Variants in TRMT11 observed in about 807,000 individuals in gnomAD.
TRMT11 encodes the protein tRNA (guanine(10)-N(2))-methyltransferase TRMT11.
In TRMT11, 53 loss-of-function variants were observed where a neutral mutation model predicts 62.8. The ratio of observed to expected loss-of-function variants is 0.84; its 90% confidence interval spans 0.68 to 1.06. The LOEUF (loss-of-function observed/expected upper bound fraction) is 1.06, where lower values mean the gene tolerates loss of function less well. Ranked by LOEUF, TRMT11 falls within the 50% of genes least tolerant of loss-of-function variation. TRMT11 has a pLI of 0.00. For missense variants in TRMT11, 556 were observed against 553.4 expected, an observed-to-expected ratio of 1.00 and a Z score of -0.05; for synonymous variants, 188 against 190.3, an observed-to-expected ratio of 0.99 and a Z score of 0.10.
the TRMT11 span, among the ~76,000 whole-genome samples, chr6:126,232,901 C>A: frequency 6.6e-6 from 1 of 152,076 alleles, no homozygotes; most frequent in East Asian, 1.9e-4. Context: ...AGTCATGTGG[C>A]GCTGGCTAAA....
intron 1 of TRMT11, among the ~76,000 whole-genome samples, chr6:126,184,740 A>G (rs1228676343): frequency 6.6e-6 from 1 of 152,118 alleles, no homozygotes; most frequent in Non-Finnish European, 1.5e-5. Flanking sequence ...TTGTAGGAGG[A>G]TTCTGTGGGT....
chr6:126,209,445 G>A, the TRMT11 span, among the ~76,000 whole-genome samples: 5 of 152,050 alleles, frequency 3.3e-5, no homozygotes, highest in African/African-American at 7.2e-5. Context: ...TGTAGGCCGG[G>A]CGCGGTGGCT....
At chr6:126,231,160 T>C in the TRMT11 span, among the ~76,000 whole-genome samples, 2 of 152,214 alleles carry the variant, frequency 1.3e-5, no homozygotes, top group Non-Finnish European at 2.9e-5. Context: ...TTGCAAGATT[T>C]TTAAAAATCT....
At chr6:126,262,398 CACCA>C in the TRMT11 span, among the ~76,000 whole-genome samples, 1 of 152,164 alleles carries the variant, frequency 6.6e-6, no homozygotes, top group South Asian at 2.1e-4. Context: ...TGGACTTGAG[CACCA>C]GAGTCTTGGT....
At chr6:126,060,927 G>A (rs1406582853) in intron 17 of TRMT11, among the ~76,000 whole-genome samples, 1 of 152,232 alleles carries the variant, frequency 6.6e-6, no homozygotes, top group Middle Eastern at 3.2e-3. Flanking sequence ...TCACTGGCAT[G>A]AGTGAAATAC....
chr6:126,042,647 T>C (rs1040047359), downstream of TRMT11, among the ~76,000 whole-genome samples: 105 of 152,330 alleles, frequency 6.9e-4, no homozygotes, highest in African/African-American at 2.4e-3. Context: ...TCTATGACTT[T>C]AAAAATCTCT....
intron 11 of TRMT11, among the ~76,000 whole-genome samples, chr6:126,017,930 G>C (rs1380119310): frequency 6.6e-6 from 1 of 152,206 alleles, no homozygotes; most frequent in Non-Finnish European, 1.5e-5. Flanking sequence ...TACTGAGTGA[G>C]TGTAGCTGTT....
At chr6:126,161,124 A>G (rs554013649) in intron 21 of TRMT11, among the ~76,000 whole-genome samples, 8 of 152,178 alleles carry the variant, frequency 5.3e-5, no homozygotes, top group African/African-American at 1.9e-4. Flanking sequence ...ATACATGTGC[A>G]GAATGTGCAG....
chr6:126,122,743 C>G (rs1163910183), intron 21 of TRMT11, among the ~76,000 whole-genome samples: 1 of 152,046 alleles, frequency 6.6e-6, no homozygotes, highest in African/African-American at 2.4e-5. Flanking sequence ...GACAATTTCC[C>G]CTATATCTTT....
rs544717890 is a variant in TRMT11, at chr6:126,154,335, G to T, written c.*1824-20490G>T. On this transcript the variant is annotated intron_variant and NMD_transcript_variant, in intron 21 of 22. Coordinates refer to the TRMT11 transcript ENST00000648977. ...ATCAGTAATAAAGATATGTGTGTGTGTGTATGTGTGTGTGTGTGTGTGTGT... is the reference window on the plus strand; with the variant it reads ...ATCAGTAATAAAGATATGTGTGTGTTTGTATGTGTGTGTGTGTGTGTGTGT... 2.0e-3 allele frequency among the ~76,000 whole-genome samples: 298 copies of T among 146,950 alleles called. 3 individuals are homozygous for T. Among genetic ancestry groups the T allele is most frequent in the African/African-American group, 7.4e-3 (274 of 36,980 alleles).
chr6:126,121,531 C>T (rs1319188462), intron 21 of TRMT11, among the ~76,000 whole-genome samples: 1 of 152,058 alleles, frequency 6.6e-6, no homozygotes, highest in Admixed American at 6.6e-5. Flanking sequence ...CTAATCTTGA[C>T]AATTATTGGC....
the TRMT11 span, among the ~76,000 whole-genome samples, chr6:126,228,621 C>A: frequency 1.1e-3 from 168 of 152,248 alleles, no homozygotes; most frequent in Middle Eastern, 3.4e-3. Context: ...TGTGGAACCC[C>A]CTCCACAGGC....
the TRMT11 span, among the ~76,000 whole-genome samples, chr6:126,247,921 A>T: frequency 6.6e-6 from 1 of 152,102 alleles, no homozygotes; most frequent in Non-Finnish European, 1.5e-5. Context: ...AAGAGCATAC[A>T]ATTGAAGTAG....
chr6:126,205,799 C>T (rs1160808742), downstream of TRMT11, among the ~76,000 whole-genome samples: 1 of 151,442 alleles, frequency 6.6e-6, no homozygotes, highest in South Asian at 2.1e-4. Flanking sequence ...TTATAGAGAA[C>T]ATCTAGCAGC....
the TRMT11 span, among the ~76,000 whole-genome samples, chr6:126,264,803 T>C: frequency 6.6e-6 from 1 of 152,156 alleles, no homozygotes; most frequent in African/African-American, 2.4e-5. Flanking sequence ...AACTCTTTCC[T>C]GTATCTCTAG....
At chr6:126,094,840 A>G (rs1269946482) in intron 17 of TRMT11, among the ~76,000 whole-genome samples, 3 of 152,328 alleles carry the variant, frequency 2.0e-5, no homozygotes, top group East Asian at 3.9e-4. Flanking sequence ...GAACTCTCAT[A>G]TGTGTTAACT....
intron 21 of TRMT11, among the ~76,000 whole-genome samples, chr6:126,164,100 TGTGGGCATTTA>T (rs2128230577): frequency 6.6e-6 from 1 of 152,362 alleles, no homozygotes; most frequent in Admixed American, 6.5e-5. Flanking sequence ...CACTTTCTCC[TGTGGGCATTTA>T]GTGCTATAAA....
At chr6:126,038,446 A>AAAAAAAAG (rs1554229968) in intron 12 of TRMT11, among the ~76,000 whole-genome samples, 11 of 150,426 alleles carry the variant, frequency 7.3e-5, no homozygotes, top group African/African-American at 9.7e-5. Context: ...GCAAAAAAAA[A>AAAAAAAAG]AAAAAAAGAA....
chr6:126,151,810 C>CTTTCTTTCTTTCTT (rs1355544517), intron 21 of TRMT11, among the ~76,000 whole-genome samples: 2 of 71,076 alleles, frequency 2.8e-5, no homozygotes, highest in African/African-American at 5.8e-5. Context: ...TCTGTCTTTT[C>CTTTCTTTCTTTCTT]TTTCTTTCTT....
Sources: gnomAD v4.1 joint callset for allele counts (sites outside exome capture counted in the v4.1 genomes callset) on GRCh38, gnomAD v4.1.1 for gene constraint, MANE v1.5 for transcripts, NCBI Gene and HGNC (gene_info 2026-07-23, HGNC 2026-07-21) for gene names.